APP: variants seen among roughly 807,000 people sequenced by gnomAD.
APP encodes the protein amyloid beta precursor protein.
In APP, 31 loss-of-function variants were observed where a neutral mutation model predicts 101.4. The ratio of observed to expected loss-of-function variants is 0.31; its 90% CI spans 0.23 to 0.41. The LOEUF (loss-of-function observed/expected upper bound fraction) is 0.41, where lower values mean the gene tolerates loss of function less well. APP is among the 10% of genes least tolerant of loss of function. The pLI, the probability that APP is intolerant of heterozygous loss-of-function variation, is 1.00. For missense variants in APP, 839 were observed against 1,003.7 expected (o/e 0.84, Z 2.22); for synonymous variants, 366 against 364.4 (o/e 1.00, Z -0.05).
chr21:26,019,223 T>C (rs2044228827), intron 6 of APP, among the ~76,000 whole-genome samples: 1 of 152,240 alleles, frequency 6.6e-6, no homozygotes, highest in Admixed American at 6.5e-5. Flanking sequence ...TTAATGCCCA[T>C]CTTTGCCAGC....
intron 6 of APP, among the ~76,000 whole-genome samples, chr21:26,017,409 C>CAAAA (rs373376674): frequency 1.5e-4 from 17 of 111,104 alleles, no homozygotes; most frequent in African/African-American, 3.9e-4. Context: ...AATCCCGTGT[C>CAAAA]AAAAAAAAAA....
intron 17 of APP, among the ~76,000 whole-genome samples, chr21:25,890,722 CAA>C (rs10686276): frequency 6.1e-5 from 7 of 114,720 alleles, no homozygotes; most frequent in Admixed American, 9.7e-5. Flanking sequence ...GAGACTGTCT[CAA>C]AAAAAAAAAA....
chr21:25,882,434 T>C (rs1433692375), intron 17 of APP, among the ~76,000 whole-genome samples: 1 of 149,692 alleles, frequency 6.7e-6, no homozygotes, highest in Non-Finnish European at 1.5e-5. Context: ...AAACTGAGAA[T>C]TAAGATACTA....
chr21:26,142,120 C>T (rs1236316673), intron 1 of APP, among the ~76,000 whole-genome samples: 1 of 152,168 alleles, frequency 6.6e-6, no homozygotes, highest in Non-Finnish European at 1.5e-5. Flanking sequence ...AGTATTTGCA[C>T]CATTTAAGGT....
intron 3 of APP, among the ~76,000 whole-genome samples, chr21:26,077,951 CTTCT>C (rs1321487009): frequency 1.3e-5 from 2 of 152,136 alleles, no homozygotes; most frequent in Admixed American, 6.5e-5. Flanking sequence ...TATTGAGAAC[CTTCT>C]TTGTCAAGTA....
chr21:26,158,482 A>G (rs775646490), intron 1 of APP, among the ~76,000 whole-genome samples: 5 of 152,178 alleles, frequency 3.3e-5, no homozygotes, highest in Non-Finnish European at 5.9e-5. Flanking sequence ...CAGCTAATAG[A>G]GCACATTTAC....
intron 3 of APP, among the ~76,000 whole-genome samples, chr21:26,063,122 T>C (rs1316863611): frequency 1.3e-5 from 2 of 152,132 alleles, no homozygotes; most frequent in Non-Finnish European, 2.9e-5. Flanking sequence ...ATTAAGTACA[T>C]AGATGGTGGA....
At chr21:26,140,117 AC>A (rs1265014785) in intron 1 of APP, 3 of 1,414,328 alleles carry the variant, frequency 2.1e-6, no homozygotes, top group Non-Finnish European at 2.9e-6. Flanking sequence ...CCAAATACAG[AC>A]TAAAAACAAT....
At chr21:26,075,612 C>T (rs754855766) in intron 3 of APP, among the ~76,000 whole-genome samples, 23 of 152,132 alleles carry the variant, frequency 1.5e-4, no homozygotes, top group Non-Finnish European at 3.1e-4. Context: ...GAATTTACAG[C>T]GTAACAAGGA....
At chr21:25,969,854 C>G (rs7277169) in intron 11 of APP, among the ~76,000 whole-genome samples, 2,401 of 73,314 alleles carry the variant, frequency 0.033, 63 homozygotes, top group African/African-American at 0.11. Context: ...GAAAAGAAAA[C>G]AAAAGAAAAG....
At chr21:25,981,452 T>C (rs1284298329) in intron 9 of APP, among the ~76,000 whole-genome samples, 1 of 152,216 alleles carries the variant, frequency 6.6e-6, no homozygotes, top group Non-Finnish European at 1.5e-5. Context: ...CCTAGGTTTG[T>C]AGACTACAAA....
intron 5 of APP, among the ~76,000 whole-genome samples, chr21:26,037,878 A>C (rs1419839115): frequency 6.6e-6 from 1 of 152,206 alleles, no homozygotes; most frequent in African/African-American, 2.4e-5. Flanking sequence ...AGTATATTCT[A>C]GGAGATAAAA....
chr21:25,884,225 G>C (rs1196115144), intron 17 of APP, among the ~76,000 whole-genome samples: 1 of 152,156 alleles, frequency 6.6e-6, no homozygotes, highest in Non-Finnish European at 1.5e-5. Context: ...GTGCGCCACT[G>C]TGAATCCCTC....
At chr21:26,170,970 C>T, upstream of APP, 1 of 208,360 alleles carries the variant, frequency 4.8e-6, no homozygotes, top group Non-Finnish European at 9.5e-6. Flanking sequence ...CTCCGCTCCC[C>T]GGCCGACGGC....
chr21:26,009,006 C>T (rs1021130675), intron 6 of APP, among the ~76,000 whole-genome samples: 1 of 152,154 alleles, frequency 6.6e-6, no homozygotes, highest in Non-Finnish European at 1.5e-5. Context: ...ACTCAGGCCC[C>T]CCATACAGAC....
chr21:25,881,913 G>C (rs1412683573), intron 17 of APP, 142 bp from the exon 18 acceptor site: 1 of 867,690 alleles, frequency 1.2e-6, no homozygotes, highest in Non-Finnish European at 1.8e-6. Flanking sequence ...CCCCCACTTT[G>C]ACATCTTGGA....
chr21:26,020,451 T>TA (rs1381428324), intron 6 of APP, among the ~76,000 whole-genome samples: 2 of 152,166 alleles, frequency 1.3e-5, no homozygotes, highest in East Asian at 1.9e-4. Flanking sequence ...CTTAATAAGG[T>TA]AAAAAATGCA....
chr21:25,910,107 G>T (rs1489683159), intron 14 of APP, among the ~76,000 whole-genome samples: 1 of 151,596 alleles, frequency 6.6e-6, no homozygotes, highest in African/African-American at 2.4e-5. Context: ...ATGTTATAAG[G>T]TATATATATT....
intron 6 of APP, among the ~76,000 whole-genome samples, chr21:26,021,315 T>C (rs1324332840): frequency 1.3e-5 from 2 of 152,188 alleles, no homozygotes; most frequent in East Asian, 3.9e-4. Flanking sequence ...CCCAAAGTGC[T>C]GGGATTACAG....
Sources: allele counts gnomAD v4.1 joint callset (sites outside exome capture counted in the v4.1 genomes callset), GRCh38; gene constraint gnomAD v4.1.1; transcripts MANE v1.5; gene names NCBI Gene and HGNC (gene_info 2026-07-23, HGNC 2026-07-21).